Variants in CTNND2 observed in about 807,000 individuals in gnomAD.
The protein encoded by CTNND2 is catenin delta 2.
Under a neutral mutation model 144.4 loss-of-function variants are expected in CTNND2, and 22 were observed. That is an observed-to-expected ratio of 0.15 (90% CI 0.11 to 0.22). The LOEUF is 0.22. Ranked by LOEUF, CTNND2 falls within the 10% of genes least tolerant of loss-of-function variation. The pLI is 1.00. For missense variants in CTNND2, 1,353 were observed against 1,618.8 expected (o/e 0.84, Z 2.82); for synonymous variants, 751 against 695.6 (o/e 1.08, Z -1.25).
intron 1 of CTNND2, among the ~76,000 whole-genome samples, chr5:11,746,057 C>A (rs942049864): frequency 6.6e-6 from 1 of 152,194 alleles, no homozygotes; most frequent in Non-Finnish European, 1.5e-5. Flanking sequence ...AGAGTTCGAT[C>A]TGCTTTGCAT....
intron 3 of CTNND2, among the ~76,000 whole-genome samples, chr5:11,550,606 T>C (rs2150083619): frequency 6.6e-6 from 1 of 152,306 alleles, no homozygotes; most frequent in Non-Finnish European, 1.5e-5. Context: ...CCTCAGCTCT[T>C]GAGGTACTAA....
At chr5:11,509,324 A>G (rs990929939) in intron 3 of CTNND2, among the ~76,000 whole-genome samples, 2 of 152,118 alleles carry the variant, frequency 1.3e-5, no homozygotes, top group Admixed American at 1.3e-4. Context: ...AAACAGATAG[A>G]AGAAGCTGGA....
At chr5:11,678,266 T>C (rs752348849) in intron 2 of CTNND2, among the ~76,000 whole-genome samples, 112 of 152,350 alleles carry the variant, frequency 7.4e-4, no homozygotes, top group Non-Finnish European at 6.9e-4. Context: ...TGTGTACTTA[T>C]TTATTATTCA....
At chr5:11,008,042 T>A (rs1475457395) in intron 18 of CTNND2, among the ~76,000 whole-genome samples, 1 of 152,152 alleles carries the variant, frequency 6.6e-6, no homozygotes, top group African/African-American at 2.4e-5. Context: ...CCAATGTGGA[T>A]AATACAGATG....
intron 12 of CTNND2, among the ~76,000 whole-genome samples, chr5:11,136,705 T>G (rs1028596430): frequency 3.9e-5 from 6 of 152,230 alleles, no homozygotes; most frequent in African/African-American, 1.4e-4. Context: ...ATGTTCTCTC[T>G]GCTTCTGTCC....
chr5:11,765,107 T>G (rs1291381616), intron 1 of CTNND2, among the ~76,000 whole-genome samples: 1 of 138,008 alleles, frequency 7.2e-6, no homozygotes, highest in African/African-American at 2.7e-5. Flanking sequence ...GCATTGAGCA[T>G]AGAGAATACC....
At chr5:11,893,426 G>A (rs1168185250) in intron 1 of CTNND2, among the ~76,000 whole-genome samples, 1 of 152,144 alleles carries the variant, frequency 6.6e-6, no homozygotes, top group South Asian at 2.1e-4. Flanking sequence ...ATAACTTCTT[G>A]CCTCATTTAA....
At chr5:11,175,999 T>G (rs759716775) in intron 11 of CTNND2, among the ~76,000 whole-genome samples, 13 of 152,192 alleles carry the variant, frequency 8.5e-5, no homozygotes, top group Non-Finnish European at 1.8e-4. Flanking sequence ...TGGTTGCATG[T>G]TGTTTTTTGA....
chr5:11,109,388 T>C (rs1227872778), intron 14 of CTNND2, among the ~76,000 whole-genome samples: 1 of 152,206 alleles, frequency 6.6e-6, no homozygotes, highest in East Asian at 1.9e-4. Flanking sequence ...ACAGGGATTT[T>C]TTTTTAAAGT....
At chr5:11,770,705 C>T (rs10073132) in intron 1 of CTNND2, among the ~76,000 whole-genome samples, 9,532 of 151,998 alleles carry the variant, frequency 0.063, 756 homozygotes, top group African/African-American at 0.19. Context: ...GGATTTGGGG[C>T]GCAAAGGAGT....
At chr5:11,884,952 T>C (rs1463841535) in intron 1 of CTNND2, among the ~76,000 whole-genome samples, 2 of 145,540 alleles carry the variant, frequency 1.4e-5, no homozygotes, top group Non-Finnish European at 3.2e-5. Flanking sequence ...TGATGTGATG[T>C]ACCATAATTA....
intron 2 of CTNND2, among the ~76,000 whole-genome samples, chr5:11,637,793 AC>A (rs1781791645): frequency 6.6e-6 from 1 of 152,074 alleles, no homozygotes; most frequent in African/African-American, 2.4e-5. Context: ...GATTTCTACT[AC>A]CTCCACTCAA....
chr5:11,871,264 T>C (rs745608359), intron 1 of CTNND2, among the ~76,000 whole-genome samples: 1 of 152,196 alleles, frequency 6.6e-6, no homozygotes, highest in East Asian at 1.9e-4. Flanking sequence ...TAAGACAGCG[T>C]TCCTCTAAGC....
chr5:11,432,968 G>T (rs1763428816), intron 3 of CTNND2, among the ~76,000 whole-genome samples: 1 of 152,152 alleles, frequency 6.6e-6, no homozygotes, highest in Non-Finnish European at 1.5e-5. Context: ...TTACTAGCCG[G>T]GTGCAGTGGC....
At chr5:11,228,830 C>T (rs150814216) in intron 10 of CTNND2, among the ~76,000 whole-genome samples, 7 of 152,298 alleles carry the variant, frequency 4.6e-5, no homozygotes, top group African/African-American at 9.6e-5. Flanking sequence ...GACCCTCCCA[C>T]TAACACAAAG....
intron 3 of CTNND2, among the ~76,000 whole-genome samples, chr5:11,534,442 A>G (rs1774035366): frequency 6.6e-6 from 1 of 151,994 alleles, no homozygotes; most frequent in East Asian, 1.9e-4. Flanking sequence ...ATTCCTACCA[A>G]AAAGTACAAA....
At chr5:11,406,892 A>G (rs1388511395) in intron 5 of CTNND2, among the ~76,000 whole-genome samples, 1 of 152,172 alleles carries the variant, frequency 6.6e-6, no homozygotes, top group Non-Finnish European at 1.5e-5. Context: ...TGAATAATGG[A>G]ATTTTCTAAA....
Position 11,017,974 on chromosome 5 carries a change from C to T in CTNND2, c.3084G>A (p.Lys1028=). The change falls in exon 18 of 22, where the codon AAG becomes AAA. Residue 1028 remains lysine (K), a splice_region_variant and synonymous_variant. Transcript: ENST00000304623. The part of the protein sequence containing the change: ...QYRDLRSLYK[K]DGWSQYHFVA... ...AGGGCCCAGGTGAAGCCAGCCTTAC[C>T]TTTTTGTAGAGACTCCTCAGATCTC... 1 of 1,612,784 alleles carries T rather than the reference C, an allele frequency of 6.2e-7. No individual in the cohort carries two copies. The highest frequency in any genetic ancestry group is 8.5e-7 in the Non-Finnish European group (1 of 1,179,048).
chr5:11,159,532 C>A, intron 12 of CTNND2, 44 bp downstream of exon 12: 1 of 1,499,872 alleles, frequency 6.7e-7, no homozygotes, highest in African/African-American at 1.4e-5. Context: ...AGTGTCTGGC[C>A]AGGGGAAGAT....
Sources: allele counts gnomAD v4.1 joint callset (sites outside exome capture counted in the v4.1 genomes callset), GRCh38; gene constraint gnomAD v4.1.1; transcripts MANE v1.5; gene names NCBI Gene and HGNC (gene_info 2026-07-23, HGNC 2026-07-21).